Variants in ABTB3 observed in about 807,000 individuals in gnomAD.
ABTB3 encodes the protein ankyrin repeat and BTB domain containing 3.
the ABTB3 span, among the ~76,000 whole-genome samples, chr12:107,614,672 C>A: frequency 6.6e-6 from 1 of 152,176 alleles, no homozygotes; most frequent in Admixed American, 6.5e-5. Context: ...ACCTGAGAGG[C>A]GATCAGAATC....
At chr12:107,474,296 C>T in the ABTB3 span, among the ~76,000 whole-genome samples, 1 of 152,104 alleles carries the variant, frequency 6.6e-6, no homozygotes, top group Non-Finnish European at 1.5e-5. Context: ...GCAGGGCTCC[C>T]AGCTGTCTGC....
At chr12:107,395,566 A>T in the ABTB3 span, among the ~76,000 whole-genome samples, 33,001 of 152,056 alleles carry the variant, frequency 0.22, 3,741 homozygotes, top group Admixed American at 0.29. Context: ...ATCTGTTCCA[A>T]CCGTGTCCAA....
At chr12:107,377,690 A>G in the ABTB3 span, among the ~76,000 whole-genome samples, 1 of 152,180 alleles carries the variant, frequency 6.6e-6, no homozygotes, top group Non-Finnish European at 1.5e-5. Flanking sequence ...CACCATGGTC[A>G]TTTCTGGCAA....
the ABTB3 span, among the ~76,000 whole-genome samples, chr12:107,427,044 G>C: frequency 6.6e-6 from 1 of 152,162 alleles, no homozygotes; most frequent in Non-Finnish European, 1.5e-5. Context: ...GTGGCTCAAA[G>C]CAACACAGAT....
At chr12:107,391,691 T>C in the ABTB3 span, among the ~76,000 whole-genome samples, 1 of 152,190 alleles carries the variant, frequency 6.6e-6, no homozygotes, top group African/African-American at 2.4e-5. Flanking sequence ...GTTTGACGGT[T>C]TCAACTGCAG....
the ABTB3 span, among the ~76,000 whole-genome samples, chr12:107,596,770 C>A: frequency 2.0e-5 from 3 of 151,916 alleles, no homozygotes; most frequent in East Asian, 3.9e-4. Context: ...ACTCTCCTTA[C>A]CCCTCCACCT....
chr12:107,638,257 G>A, the ABTB3 span, among the ~76,000 whole-genome samples: 7 of 152,264 alleles, frequency 4.6e-5, no homozygotes, highest in East Asian at 3.9e-4. Flanking sequence ...CAGGACCACC[G>A]TCTGGGCAGC....
chr12:107,424,163 C>G, the ABTB3 span, among the ~76,000 whole-genome samples: 1 of 152,166 alleles, frequency 6.6e-6, no homozygotes, highest in South Asian at 2.1e-4. Flanking sequence ...AATAAAAAAC[C>G]AGTTCAGATT....
chr12:107,438,419 T>C, the ABTB3 span, among the ~76,000 whole-genome samples: 1 of 152,216 alleles, frequency 6.6e-6, no homozygotes, highest in Non-Finnish European at 1.5e-5. Context: ...GGATGGATTC[T>C]TTTAGGTGGC....
the ABTB3 span, chr12:107,320,723 TG>T: frequency 2.2e-6 from 1 of 455,734 alleles, no homozygotes; most frequent in Non-Finnish European, 4.4e-6. Flanking sequence ...ACACAGCTGG[TG>T]GGGGCTGCGG....
chr12:107,405,268 G>A, the ABTB3 span, among the ~76,000 whole-genome samples: 6 of 152,140 alleles, frequency 3.9e-5, no homozygotes, highest in Non-Finnish European at 8.8e-5. Context: ...CAACCAAAAC[G>A]GTGGCCGGGC....
the ABTB3 span, among the ~76,000 whole-genome samples, chr12:107,350,333 G>A: frequency 3.9e-5 from 6 of 152,010 alleles, no homozygotes; most frequent in Admixed American, 1.3e-4. Flanking sequence ...GAGGGATCAC[G>A]AGGTCAGGAG....
chr12:107,621,603 A>G, the ABTB3 span, among the ~76,000 whole-genome samples: 1 of 152,244 alleles, frequency 6.6e-6, no homozygotes, highest in Non-Finnish European at 1.5e-5. Flanking sequence ...ACATACGTAC[A>G]GAAAAGTGCC....
chr12:107,579,377 A>G, the ABTB3 span, among the ~76,000 whole-genome samples: 6 of 152,170 alleles, frequency 3.9e-5, no homozygotes, highest in African/African-American at 1.4e-4. Context: ...TAGTCAAGTA[A>G]CTTGGGTCTG....
At chr12:107,613,071 C>T in the ABTB3 span, among the ~76,000 whole-genome samples, 1 of 152,234 alleles carries the variant, frequency 6.6e-6, no homozygotes, top group Non-Finnish European at 1.5e-5. Flanking sequence ...CCAGCCCAAC[C>T]AAACCCCAAG....
chr12:107,617,019 G>A, the ABTB3 span: 1 of 1,499,818 alleles, frequency 6.7e-7, no homozygotes, highest in East Asian at 2.3e-5. Context: ...ACCCATCCCA[G>A]CAGTCTTTCC....
chr12:107,610,379 A>G, the ABTB3 span: 1 of 1,610,476 alleles, frequency 6.2e-7, no homozygotes. Context: ...GGGTCTGAAC[A>G]GGCTCCCCAC....
chr12:107,528,684 C>T, the ABTB3 span, among the ~76,000 whole-genome samples: 2 of 152,202 alleles, frequency 1.3e-5, no homozygotes, highest in South Asian at 4.1e-4. Flanking sequence ...TGTGCCAACT[C>T]CATCTCCCAT....
At chr12:107,417,549 C>T in the ABTB3 span, among the ~76,000 whole-genome samples, 345 of 152,326 alleles carry the variant, frequency 2.3e-3, 2 homozygotes, top group Non-Finnish European at 4.3e-3. Context: ...CCATTTAGCC[C>T]ACTAAACAAC....
Sources: allele counts gnomAD v4.1 joint callset (sites outside exome capture counted in the v4.1 genomes callset), GRCh38; gene constraint gnomAD v4.1.1; transcripts MANE v1.5; gene names NCBI Gene and HGNC (gene_info 2026-07-23, HGNC 2026-07-21).